HNF4A: variants seen among roughly 807,000 people sequenced by gnomAD.
HNF4A encodes hepatocyte nuclear factor 4-alpha.
HNF4A carries 15 observed loss-of-function variants against 52.4 expected under a neutral mutation model. The observed-to-expected ratio is 0.29, with a 90% CI of 0.19 to 0.44. HNF4A has a LOEUF of 0.44. Among genes scored for constraint, HNF4A ranks in the 20% least tolerant of loss-of-function variants. The pLI is 1.00. For missense variants in HNF4A, 479 were observed against 647.2 expected (o/e 0.74, Z 2.82); for synonymous variants, 280 against 264.4 (o/e 1.06, Z -0.57).
chr20:44,381,050 CCT>C (rs2063146809), intron 1 of HNF4A, among the ~76,000 whole-genome samples: 1 of 102,456 alleles, frequency 9.8e-6, no homozygotes, highest in South Asian at 3.4e-4. Context: ...CGCTCTTTGA[CCT>C]CTAACCCACT....
chr20:44,394,782 A>C (rs1407261503), intron 1 of HNF4A, among the ~76,000 whole-genome samples: 1 of 152,182 alleles, frequency 6.6e-6, no homozygotes, highest in Non-Finnish European at 1.5e-5. Context: ...CCTCCTGCCC[A>C]CCCAGGCCTT....
chr20:44,365,061 G>A (rs751502138), intron 1 of HNF4A, among the ~76,000 whole-genome samples: 9 of 152,142 alleles, frequency 5.9e-5, no homozygotes, highest in East Asian at 3.9e-4. Context: ...ACAGTTGATC[G>A]TCTGTGCAGT....
At chr20:44,370,889 T>G (rs911719673) in intron 1 of HNF4A, among the ~76,000 whole-genome samples, 8 of 152,292 alleles carry the variant, frequency 5.3e-5, no homozygotes, top group African/African-American at 1.9e-4. Context: ...TGGCTGAGCC[T>G]GGGCCGCCAA....
At chr20:44,424,677 G>A in intron 8 of HNF4A, 2 of 1,187,976 alleles carry the variant, frequency 1.7e-6, no homozygotes, top group Non-Finnish European at 2.2e-6. Context: ...TTAGATAGGG[G>A]AGGCCACAGG....
intron 1 of HNF4A, chr20:44,389,787 T>TG: frequency 6.6e-6 from 1 of 152,436 alleles, no homozygotes; most frequent in Non-Finnish European, 1.5e-5. Flanking sequence ...TTGGGGGCTA[T>TG]GGGGGGACAG....
intron 5 of HNF4A, among the ~76,000 whole-genome samples, chr20:44,416,216 A>T (rs2063662535): frequency 6.6e-6 from 1 of 152,190 alleles, no homozygotes. Context: ...TTCCTGGTAT[A>T]TGAGGAGCCC....
chr20:44,434,514 AGC>A (rs1260493627), downstream of HNF4A: 8 of 98,510 alleles, frequency 8.1e-5, no homozygotes, highest in African/African-American at 3.6e-4. Context: ...ATCGGGGACA[AGC>A]GCGGGGGGGG....
At chr20:44,419,922 C>T (rs199624185) in intron 7 of HNF4A, 46 bp downstream of exon 7, 94 of 1,592,714 alleles carry the variant, frequency 5.9e-5, no homozygotes, top group African/African-American at 1.1e-4. Context: ...CTCTCCAGAA[C>T]GCTCTGCCAG....
rs2146437750 is a variant in HNF4A, at chr20:44,418,407, G to C, written c.649-18G>C. On this transcript the variant is annotated intron_variant, in intron 5 of 9. Transcript: ENST00000316099. The stretch of plus-strand genomic sequence containing the variant: ...CCCAAGGGTACAGATGGCAAACACT[G>C]TTCCTTCTCTCTTTCAGGTGGCCCT... 6.2e-7 allele frequency: 1 copy of C among 1,610,914 alleles called. No individual in the cohort carries two copies. Among genetic ancestry groups the C allele is most frequent in the Non-Finnish European group, 8.5e-7 (1 of 1,177,070 alleles).
chr20:44,418,078 G>A (rs898955392), intron 5 of HNF4A, among the ~76,000 whole-genome samples: 1 of 151,824 alleles, frequency 6.6e-6, no homozygotes, highest in Non-Finnish European at 1.5e-5. Context: ...AACTTTTTGG[G>A]ATCATAGACC....
intron 1 of HNF4A, among the ~76,000 whole-genome samples, chr20:44,369,467 T>G (rs1052178714): frequency 6.6e-6 from 1 of 151,278 alleles, no homozygotes; most frequent in African/African-American, 2.4e-5. Context: ...TAAATGAAAA[T>G]TTAAAAGGAA....
Position 44,428,603 on chromosome 20 carries a change from A to G in HNF4A, c.1282+116A>G, listed in dbSNP as rs1038335553. The G allele has an allele frequency of 7.8e-5, 79 of 1,017,492 alleles. No individual in the cohort carries two copies. The Middle Eastern group carries it at 8.1e-4, about 10-fold the overall frequency. 63.0% of individuals were successfully genotyped at this position (1,017,492 alleles called of 1,614,324 possible). A position where few individuals can be genotyped will look rare whatever the true frequency, so the allele number is the denominator to read the frequency against. ...AGGATGCAACAGTTTTCTGGGTTCC[A>G]GGGTAGGGAATAAAGGGCAAGATTG... On this transcript the variant is annotated intron_variant, in intron 9 of 9. Coordinates refer to ENST00000316099, the MANE Select transcript of HNF4A (RefSeq NM_000457.6).
In HNF4A at chr20:44,401,338, G is replaced by C; in HGVS notation, c.-35G>C. ...GGGGCCTTCGGGGTGGGCGCCCAGG[G>C]TAGGGCAGGTGGCCGCGGCGTGGAG... is the stretch of plus-strand genomic sequence containing the variant. On this transcript the variant is annotated 5_prime_UTR_variant, in exon 1 of 10. Coordinates refer to ENST00000316099, the MANE Select transcript of HNF4A (RefSeq NM_000457.6). 10 of 1,613,538 alleles carry C rather than the reference G, an allele frequency of 6.2e-6. No individual in the cohort carries two copies. The highest frequency in any genetic ancestry group is 5.1e-6 in the Non-Finnish European group (6 of 1,179,842).
At chr20:44,408,762 T>C (rs553688473) in intron 3 of HNF4A, among the ~76,000 whole-genome samples, 1 of 152,118 alleles carries the variant, frequency 6.6e-6, no homozygotes, top group East Asian at 1.9e-4. Context: ...TTTTCGAATC[T>C]CTTCATTTCC....
chr20:44,429,758 T>C lies in HNF4A; in HGVS notation c.*93T>C, dbSNP rs1281803216. 1.5e-6 allele frequency: 2 copies of C among 1,305,186 alleles called. No homozygotes were observed. Among genetic ancestry groups the C allele is most frequent in the African/African-American group, 1.5e-5 (1 of 68,606 alleles). The allele number at this position is 1,305,186 out of a possible 1,614,324, so 80.9% of individuals were successfully genotyped here. A position where few individuals can be genotyped will look rare whatever the true frequency, so the allele number is the denominator to read the frequency against. ...GTGGTCACGGCAAAGGAAGACGTGA[T>C]GCCAGGACCAGTCCCAGAGCAGGAA... On this transcript the variant is annotated 3_prime_UTR_variant, in exon 10 of 10. Transcript: ENST00000316099.
At chr20:44,389,727 C>G (rs1321741509) in intron 1 of HNF4A, 1 of 152,230 alleles carries the variant, frequency 6.6e-6, no homozygotes, top group Non-Finnish European at 1.5e-5. Flanking sequence ...GTGGAGGAGG[C>G]ACACAACCAG....
At chr20:44,387,655 C>CGGGGGGGGGG (rs1212441244) in intron 1 of HNF4A, among the ~76,000 whole-genome samples, 1 of 8,618 alleles carries the variant, frequency 1.2e-4, no homozygotes, top group Non-Finnish European at 4.3e-4. Flanking sequence ...TGGAGGCAGG[C>CGGGGGGGGGG]GGGGGGGGGG....
upstream of HNF4A, among the ~76,000 whole-genome samples, chr20:44,397,649 A>C (rs2063365647): frequency 6.6e-6 from 1 of 151,194 alleles, no homozygotes; most frequent in African/African-American, 2.4e-5. Context: ...TTTTTTAGAC[A>C]GAGTCTTGCT....
intron 1 of HNF4A, among the ~76,000 whole-genome samples, chr20:44,367,859 A>C (rs2062985726): frequency 6.6e-6 from 1 of 151,944 alleles, no homozygotes. Flanking sequence ...CTGAGAAAAC[A>C]AAGTCTCAGA....
Sources: allele counts gnomAD v4.1 joint callset (sites outside exome capture counted in the v4.1 genomes callset), GRCh38; gene constraint gnomAD v4.1.1; transcripts MANE v1.5; gene names NCBI Gene and HGNC (gene_info 2026-07-23, HGNC 2026-07-21).